DAB1: variants seen among roughly 807,000 people sequenced by gnomAD.
DAB1 encodes the protein disabled homolog 1.
DAB1 carries 15 observed loss-of-function variants against 64.6 expected under a neutral mutation model. The observed-to-expected ratio is 0.23, with a 90% confidence interval of 0.16 to 0.36. The LOEUF is 0.36. Among genes scored for constraint, DAB1 ranks in the 10% least tolerant of loss-of-function variants. DAB1 has a pLI of 1.00. For synonymous variants in DAB1, 235 were observed against 251.9 expected (o/e 0.93, Z 0.64); for missense variants, 596 against 706.7 (o/e 0.84, Z 1.78).
chr1:58,282,605 T>TA lies in DAB1; in HGVS notation n.309+60746dup, dbSNP rs10641105. On this transcript the variant is annotated intron_variant and non_coding_transcript_variant, in intron 4 of 20. Transcript: ENST00000485760. ...TAAGGGCCATTTTCAGCCTTTGTTC[T>TA]AAAAAAAAAAAGGAGTGTGGGGTGG... Among the ~76,000 whole-genome samples the TA allele has an allele frequency of 1.0e-3, 149 of 147,806 alleles. 1 individual carries two copies. Among genetic ancestry groups the TA allele is most frequent in the African/African-American group, 1.0e-3 (42 of 40,462 alleles).
intron 11 of DAB1, among the ~76,000 whole-genome samples, chr1:57,018,608 C>G (rs1646509522): frequency 6.6e-6 from 1 of 152,148 alleles, no homozygotes; most frequent in Non-Finnish European, 1.5e-5. Flanking sequence ...GAACTACCCA[C>G]AGATTCAATC....
At chr1:58,313,720 C>G (rs115236689) in intron 4 of DAB1, among the ~76,000 whole-genome samples, 1,938 of 152,050 alleles carry the variant, frequency 0.013, 47 homozygotes, top group African/African-American at 0.041. Context: ...TCTTACAATT[C>G]TGGAAGTTGG....
At chr1:58,114,926 T>C (rs375779442) in intron 5 of DAB1, among the ~76,000 whole-genome samples, 3 of 152,196 alleles carry the variant, frequency 2.0e-5, no homozygotes, top group East Asian at 1.9e-4. Context: ...ACTCCAGTGA[T>C]AGAAGCTAGA....
chr1:58,268,263 C>T (rs961921748), intron 4 of DAB1, among the ~76,000 whole-genome samples: 5 of 151,950 alleles, frequency 3.3e-5, no homozygotes, highest in African/African-American at 9.7e-5. Flanking sequence ...TAAAAAAATA[C>T]ATATGAGAGC....
At chr1:58,325,167 A>G (rs1303597563) in intron 4 of DAB1, among the ~76,000 whole-genome samples, 1 of 152,174 alleles carries the variant, frequency 6.6e-6, no homozygotes, top group East Asian at 1.9e-4. Context: ...CCCCAAGCCT[A>G]AAGGAGCTGA....
At chr1:57,234,211 C>T (rs972702454) in intron 2 of DAB1, among the ~76,000 whole-genome samples, 1 of 152,112 alleles carries the variant, frequency 6.6e-6, no homozygotes, top group Non-Finnish European at 1.5e-5. Context: ...TAAAAGCATT[C>T]ATGAGGCTTT....
chr1:58,257,718 T>C (rs1035829952), intron 4 of DAB1, among the ~76,000 whole-genome samples: 1 of 152,102 alleles, frequency 6.6e-6, no homozygotes, highest in Non-Finnish European at 1.5e-5. Context: ...AGTTTCTAGG[T>C]GATTCTTTAT....
chr1:57,990,393 T>C (rs973651977), intron 5 of DAB1, among the ~76,000 whole-genome samples: 6 of 152,214 alleles, frequency 3.9e-5, no homozygotes, highest in African/African-American at 1.2e-4. Flanking sequence ...CCAACTTGAT[T>C]TAATTTATCC....
At chr1:58,415,950 G>A (rs1397730008) in intron 3 of DAB1, among the ~76,000 whole-genome samples, 1 of 152,212 alleles carries the variant, frequency 6.6e-6, no homozygotes, top group Non-Finnish European at 1.5e-5. Flanking sequence ...TGTGAGGACT[G>A]TCAGGGTCAA....
intron 2 of DAB1, among the ~76,000 whole-genome samples, chr1:57,209,406 C>T (rs572593490): frequency 9.2e-5 from 14 of 152,344 alleles, no homozygotes; most frequent in African/African-American, 2.4e-4. Context: ...CTGTTCTTCA[C>T]GTTGCAAACT....
At position 57,291,055 on chromosome 1, in the gene DAB1, A is replaced by G; in HGVS notation, c.-25T>C. On this transcript the variant is annotated 5_prime_UTR_variant, in exon 2 of 15. Transcript: ENST00000371236. ...TCCTACTTAATCCTTAGTCCACTTC[A>G]CACAGATCCCGGGCCTCGGCCAGGC... is the stretch of plus-strand genomic sequence containing the variant. The G allele has an allele frequency of 1.3e-6, 2 of 1,580,190 alleles. No homozygotes were observed. The highest frequency in any genetic ancestry group is 1.7e-6 in the Non-Finnish European group (2 of 1,158,080).
chr1:58,058,529 G>A (rs939221633), intron 5 of DAB1, among the ~76,000 whole-genome samples: 2 of 152,268 alleles, frequency 1.3e-5, no homozygotes, highest in African/African-American at 2.4e-5. Flanking sequence ...TCATCAAGAA[G>A]GTGCAATTGA....
chr1:57,301,671 G>A (rs1433814549), intron 1 of DAB1, among the ~76,000 whole-genome samples: 10 of 152,134 alleles, frequency 6.6e-5, no homozygotes, highest in Admixed American at 6.5e-4. Context: ...TCCACAAGCT[G>A]CATTTCATTA....
intron 2 of DAB1, among the ~76,000 whole-genome samples, chr1:58,516,945 T>A (rs987462490): frequency 2.0e-5 from 3 of 152,058 alleles, no homozygotes; most frequent in Non-Finnish European, 4.4e-5. Context: ...GAAGGTTGCC[T>A]AGGAAGGAGA....
chr1:57,359,613 A>G (rs1383109824), intron 1 of DAB1, among the ~76,000 whole-genome samples: 4 of 152,068 alleles, frequency 2.6e-5, no homozygotes, highest in Non-Finnish European at 5.9e-5. Context: ...AAATGAAATC[A>G]GTATGTTGAA....
intron 4 of DAB1, among the ~76,000 whole-genome samples, chr1:58,176,877 G>C (rs552696066): frequency 5.3e-5 from 8 of 151,990 alleles, no homozygotes; most frequent in Non-Finnish European, 7.4e-5. Flanking sequence ...TACTTGGGAG[G>C]CTGAGGCAGG....
chr1:57,654,250 C>T (rs1353125357), intron 6 of DAB1, among the ~76,000 whole-genome samples: 2 of 152,042 alleles, frequency 1.3e-5, no homozygotes, highest in South Asian at 2.1e-4. Context: ...AGTAAAACAC[C>T]TAGTATGTCA....
intron 6 of DAB1, among the ~76,000 whole-genome samples, chr1:57,685,827 A>G (rs1646690673): frequency 6.6e-6 from 1 of 152,258 alleles, no homozygotes; most frequent in Admixed American, 6.5e-5. Flanking sequence ...GAACCTCAAA[A>G]TTAAGGCAGA....
rs1169184383 is a variant in DAB1 at position 57,493,804 on chromosome 1, C to G, written n.625+155788G>C. On this transcript the variant is annotated intron_variant and non_coding_transcript_variant, in intron 7 of 20. Transcript: ENST00000485760. ...CACACACACACATTGACTGACATTG[C>G]TTTCCCACTGAGAATGTCCACCCCA... Among the ~76,000 whole-genome samples, 3 of 141,432 alleles carry G rather than the reference C, an allele frequency of 2.1e-5. No homozygotes were observed. In the East Asian group the frequency reaches 6.0e-4, roughly 28 times the overall value. The allele number at this position is 141,432 out of a possible 152,430, so 92.8% of individuals were successfully genotyped here. A position where few individuals can be genotyped will look rare whatever the true frequency, so the allele number is the denominator to read the frequency against.
Sources: allele counts gnomAD v4.1 joint callset (sites outside exome capture counted in the v4.1 genomes callset), GRCh38; gene constraint gnomAD v4.1.1; transcripts MANE v1.5; gene names NCBI Gene and HGNC (gene_info 2026-07-23, HGNC 2026-07-21).